ZC2HC1A: variants seen among roughly 807,000 people sequenced by gnomAD.
The protein encoded by ZC2HC1A is zinc finger C2HC domain-containing protein 1A.
Under a neutral mutation model 40.7 loss-of-function variants are expected in ZC2HC1A, and 28 were observed. The observed-to-expected ratio is 0.69, with a 90% CI of 0.51 to 0.94. The LOEUF is 0.94. Among genes scored for constraint, ZC2HC1A ranks in the 40% least tolerant of loss-of-function variants. The probability of loss-of-function intolerance (pLI) is 0.00; values close to 1 mark genes in which losing one functional copy is unlikely to be tolerated. For synonymous variants in ZC2HC1A, 129 were observed against 129.2 expected, an observed-to-expected ratio of 1.00 and a Z score of 0.01; for missense variants, 389 against 386.3, an observed-to-expected ratio of 1.01 and a Z score of -0.06.
intron 2 of ZC2HC1A, among the ~76,000 whole-genome samples, chr8:78,677,996 G>A (rs1809637748): frequency 6.6e-6 from 1 of 152,098 alleles, no homozygotes; most frequent in Non-Finnish European, 1.5e-5. Flanking sequence ...TGTTGCCATG[G>A]CATTTGCAAA....
intron 2 of ZC2HC1A, among the ~76,000 whole-genome samples, chr8:78,677,025 C>G (rs1351179434): frequency 6.6e-6 from 1 of 152,046 alleles, no homozygotes; most frequent in Non-Finnish European, 1.5e-5. Context: ...AATTACAGTG[C>G]TTGGTTGTTG....
Position 78,717,561 on chromosome 8 carries a change from G to GCACATC in ZC2HC1A, c.*70_*75dup. On this transcript the variant is annotated 3_prime_UTR_variant, in exon 9 of 9. Coordinates refer to ENST00000263849, the MANE Select transcript of ZC2HC1A (RefSeq NM_016010.3). ...GATTATTGCTGCTTGGACAGCTAGAGCACATCCTCTAGTTAGTTTGTGCTA... is the reference window on the plus strand; with the variant it reads ...GATTATTGCTGCTTGGACAGCTAGAGCACATCCACATCCTCTAGTTAGTTTGTGCTA... 6.8e-7 allele frequency: 1 copy of GCACATC among 1,468,132 alleles called. No individual in the cohort carries two copies. Among genetic ancestry groups the GCACATC allele is most frequent in the Non-Finnish European group, 9.1e-7 (1 of 1,099,776 alleles). 90.9% of individuals were successfully genotyped at this position (1,468,132 alleles called of 1,614,324 possible).
At chr8:78,707,388 A>C (rs1177044398) in intron 7 of ZC2HC1A, among the ~76,000 whole-genome samples, 1 of 152,222 alleles carries the variant, frequency 6.6e-6, no homozygotes, top group African/African-American at 2.4e-5. Flanking sequence ...TCTGCATCAT[A>C]ATCTGCCACT....
chr8:78,706,974 G>C (rs889545792), intron 7 of ZC2HC1A, among the ~76,000 whole-genome samples: 25 of 152,146 alleles, frequency 1.6e-4, no homozygotes, highest in South Asian at 4.1e-4. Flanking sequence ...ATAAGAAAGA[G>C]ACAGTTTATC....
intron 3 of ZC2HC1A, among the ~76,000 whole-genome samples, chr8:78,685,349 A>T (rs192112500): frequency 4.7e-4 from 72 of 152,308 alleles, no homozygotes; most frequent in African/African-American, 1.6e-3. Context: ...TTTTAATTGA[A>T]ACTGGAAGTT....
chr8:78,691,047 C>T (rs1347772272), intron 5 of ZC2HC1A, among the ~76,000 whole-genome samples: 1 of 151,992 alleles, frequency 6.6e-6, no homozygotes, highest in Non-Finnish European at 1.5e-5. Flanking sequence ...TATTTTCTTC[C>T]CTCCAACCTT....
intron 3 of ZC2HC1A, among the ~76,000 whole-genome samples, chr8:78,681,417 AT>A (rs1428692961): frequency 6.6e-6 from 1 of 152,200 alleles, no homozygotes; most frequent in African/African-American, 2.4e-5. Context: ...GTGATCAGAT[AT>A]TTTGCTGTAA....
chr8:78,703,676 T>C (rs1226972235), intron 7 of ZC2HC1A, among the ~76,000 whole-genome samples: 1 of 152,146 alleles, frequency 6.6e-6, no homozygotes, highest in Non-Finnish European at 1.5e-5. Flanking sequence ...TGTGTGTCAT[T>C]GCATGAGATG....
At chr8:78,705,605 C>A (rs994978318) in intron 7 of ZC2HC1A, among the ~76,000 whole-genome samples, 1 of 151,924 alleles carries the variant, frequency 6.6e-6, no homozygotes, top group East Asian at 1.9e-4. Context: ...TTTATGGGAC[C>A]ACTGTGGTGT....
At chr8:78,714,344 C>A (rs1277659475) in intron 7 of ZC2HC1A, among the ~76,000 whole-genome samples, 2 of 152,084 alleles carry the variant, frequency 1.3e-5, no homozygotes, top group African/African-American at 4.8e-5. Flanking sequence ...TAGAATTGTA[C>A]TTGACATGGA....
chr8:78,703,573 T>G (rs1454013516), intron 7 of ZC2HC1A, among the ~76,000 whole-genome samples: 1 of 150,836 alleles, frequency 6.6e-6, no homozygotes, highest in East Asian at 1.9e-4. Context: ...TGGTTTAAAG[T>G]CTGTTTTATC....
chr8:78,695,847 T>C (rs1313679852), intron 5 of ZC2HC1A, among the ~76,000 whole-genome samples: 1 of 152,148 alleles, frequency 6.6e-6, no homozygotes, highest in Non-Finnish European at 1.5e-5. Flanking sequence ...GAATGCTACT[T>C]TTTTTGTGTG....
At chr8:78,691,877 C>T (rs1471545223) in intron 5 of ZC2HC1A, among the ~76,000 whole-genome samples, 3 of 151,996 alleles carry the variant, frequency 2.0e-5, no homozygotes, top group Admixed American at 2.0e-4. Context: ...GTTATACTTA[C>T]TGCCTTATTT....
chr8:78,707,722 A>C (rs1363835395), intron 7 of ZC2HC1A, among the ~76,000 whole-genome samples: 1 of 152,204 alleles, frequency 6.6e-6, no homozygotes, highest in African/African-American at 2.4e-5. Context: ...AAGCTTTCCA[A>C]CTACTGGAAA....
intron 4 of ZC2HC1A, among the ~76,000 whole-genome samples, chr8:78,687,305 A>G (rs1430282750): frequency 1.3e-5 from 2 of 151,048 alleles, no homozygotes; most frequent in Non-Finnish European, 2.9e-5. Flanking sequence ...ATTTTCTAAC[A>G]AAGAGAAAGT....
At chr8:78,679,395 C>A (rs1003246598) in intron 3 of ZC2HC1A, 1 of 152,144 alleles carries the variant, frequency 6.6e-6, no homozygotes, top group Non-Finnish European at 1.5e-5. Context: ...TTATGCACAT[C>A]CTCCCATGTG....
At position 78,689,311 on chromosome 8, in the gene ZC2HC1A, A is replaced by C. The variant is rs147883140; in HGVS notation, c.442A>C (p.Ile148Leu). ...TTTCTGTAAAGAACAGGCAGCACGTATTAGTAATAAAGGGAAATTTTCTAC... is the reference window on the plus strand; with the variant it reads ...TTTCTGTAAAGAACAGGCAGCACGTCTTAGTAATAAAGGGAAATTTTCTAC... ...INFCKEQAAR[I>L]SNKGKFSTDT... is the part of the protein sequence containing the mutation. The change falls in exon 5 of 9, where the codon ATT becomes CTT. Residue 148 changes from isoleucine (I) to leucine (L), a missense_variant. By Grantham distance (5) the Ile-to-Leu change is conservative. Transcript: ENST00000263849. The C allele has an allele frequency of 1.9e-6, 3 of 1,605,082 alleles. No individual in the cohort carries two copies. The highest frequency in any genetic ancestry group is 1.3e-5 in the African/African-American group (1 of 74,458).
intron 2 of ZC2HC1A, chr8:78,676,133 A>AC (rs1809571659): frequency 3.8e-6 from 1 of 260,526 alleles, no homozygotes; most frequent in Admixed American, 5.3e-5. Flanking sequence ...AATAAAAAAA[A>AC]AAAAACAAAA....
intron 4 of ZC2HC1A, among the ~76,000 whole-genome samples, chr8:78,688,948 T>C (rs1203973538): frequency 3.9e-5 from 6 of 152,102 alleles, no homozygotes; most frequent in Admixed American, 3.3e-4. Context: ...GCTTACTCTT[T>C]TGTACTAAGG....
Sources: gnomAD v4.1 joint callset for allele counts (sites outside exome capture counted in the v4.1 genomes callset) on GRCh38, gnomAD v4.1.1 for gene constraint, MANE v1.5 for transcripts, NCBI Gene and HGNC (gene_info 2026-07-23, HGNC 2026-07-21) for gene names.